The following TRANK1 variants were observed in gnomAD, a reference collection of about 807,000 sequenced individuals.
TRANK1 encodes tetratricopeptide repeat and ankyrin repeat containing 1.
Under a neutral mutation model 266.0 loss-of-function variants are expected in TRANK1, and 198 were observed. The ratio of observed to expected loss-of-function variants is 0.74; its 90% CI spans 0.66 to 0.84. The LOEUF is 0.84. Among genes scored for constraint, TRANK1 ranks in the 40% least tolerant of loss-of-function variants. TRANK1 has a pLI of 0.00. For synonymous variants in TRANK1, 1,396 were observed against 1,384.1 expected (o/e 1.01, Z -0.19); for missense variants, 3,326 against 3,634.6 (o/e 0.92, Z 2.18).
intron 1 of TRANK1, among the ~76,000 whole-genome samples, chr3:36,922,067 G>A (rs892054396): frequency 1.3e-5 from 2 of 152,104 alleles, no homozygotes; most frequent in African/African-American, 4.8e-5. Context: ...GATCACTTGA[G>A]CCCTGAAGGT....
At chr3:36,915,845 C>T (rs1017936146) in intron 1 of TRANK1, among the ~76,000 whole-genome samples, 13 of 152,168 alleles carry the variant, frequency 8.5e-5, no homozygotes, top group Admixed American at 1.3e-4. Context: ...AGCCCAGTGA[C>T]GAGGACAGTA....
rs1282709840 is a variant in TRANK1 at position 36,835,668 on chromosome 3, T to A, written c.5518-761A>T. ...TGAAATAAGCTAACTTTTAAAAAAA[T>A]AACACCTAGATCAGTACTGTCCAAT... On this transcript the variant is annotated intron_variant, in intron 20 of 23. Transcript: ENST00000645898. Among the ~76,000 whole-genome samples, 5 of 152,120 alleles carry A rather than the reference T, an allele frequency of 3.3e-5. No homozygotes were observed. The East Asian group carries it at 7.7e-4, about 23-fold the overall frequency.
intron 13 of TRANK1, among the ~76,000 whole-genome samples, chr3:36,854,316 C>T (rs987358728): frequency 1.3e-5 from 2 of 151,576 alleles, no homozygotes; most frequent in Non-Finnish European, 2.9e-5. Context: ...GCCGAGGTCA[C>T]GCCACTGCAC....
At chr3:36,890,443 T>C (rs567163767) in intron 7 of TRANK1, among the ~76,000 whole-genome samples, 36 of 152,174 alleles carry the variant, frequency 2.4e-4, no homozygotes, top group Non-Finnish European at 4.4e-4. Flanking sequence ...TGTCAGTCAA[T>C]CAAGAGCTAC....
chr3:36,910,840 C>T (rs757289244), intron 1 of TRANK1, among the ~76,000 whole-genome samples: 3 of 152,124 alleles, frequency 2.0e-5, no homozygotes, highest in African/African-American at 7.2e-5. Context: ...TCAGCTGAGG[C>T]GGGCGGATCA....
intron 8 of TRANK1, chr3:36,880,291 T>C (rs1247552253): frequency 7.8e-6 from 3 of 385,796 alleles, no homozygotes; most frequent in Non-Finnish European, 1.1e-5. Flanking sequence ...TTGGCCCCAT[T>C]TGAGTCTTTC....
Position 36,861,057 on chromosome 3 carries a change from C to G in TRANK1, c.1344G>C (p.Leu448=). The G allele has an allele frequency of 1.3e-6, 2 of 1,537,818 alleles. No homozygotes were observed. The highest frequency in any genetic ancestry group is 1.2e-5 in the South Asian group (1 of 84,054). Residue 448 remains leucine (L), a synonymous_variant, in exon 11 of 24, where the codon CTG becomes CTC. Transcript: ENST00000645898. ...GTGGTTCTCCACTTACTTTGCGGGT[C>G]AGCAGCAGAAGCACCTCAGGCCATC... is the stretch of plus-strand genomic sequence containing the variant. ...KQRWPEVLLL[L]TRKVSGEPPL...
intron 3 of TRANK1, among the ~76,000 whole-genome samples, chr3:36,900,870 A>AAAAAAAAAAAAAAAAAAAAAAAAAAAAAC (rs2079868352): frequency 6.8e-6 from 1 of 147,512 alleles, no homozygotes; most frequent in Non-Finnish European, 1.5e-5. Context: ...AAAAAAAAAA[A>AAAAAAAAAAAAAAAAAAAAAAAAAAAAAC]AAAAAAGATA....
intron 8 of TRANK1, chr3:36,880,405 T>C: frequency 3.1e-6 from 1 of 321,556 alleles, no homozygotes; most frequent in South Asian, 3.1e-5. Flanking sequence ...GCAGCATCTC[T>C]TTCCTTTGAT....
Position 36,857,914 on chromosome 3 carries a change from A to T in TRANK1, c.1808T>A (p.Met603Lys), listed in dbSNP as rs1388039951. ...TLMHILFQKGMLKRVKKLLDL... is the reference protein window; with the variant it reads ...TLMHILFQKGKLKRVKKLLDL... Reference sequence around the variant, plus strand: ...TAACAGCTTCTTCACGCGCTTTAGCATGCCCTTCTGGAAGAGGATGTGCAT... The same window carrying T: ...TAACAGCTTCTTCACGCGCTTTAGCTTGCCCTTCTGGAAGAGGATGTGCAT... Residue 603 changes from methionine (M) to lysine (K), a missense_variant, in exon 13 of 24, where the codon ATG (methionine) becomes AAG (lysine). Transcript: ENST00000645898. This position sits in a 1 kb window ranked among gnomAD's most constrained non-coding sequence, Gnocchi z 4.3. 1 of 1,608,516 alleles carries T rather than the reference A, an allele frequency of 6.2e-7. No homozygotes were observed. The highest frequency in any genetic ancestry group is 8.5e-7 in the Non-Finnish European group (1 of 1,179,888).
intron 1 of TRANK1, among the ~76,000 whole-genome samples, chr3:36,908,808 G>A (rs538403195): frequency 1.3e-5 from 2 of 152,266 alleles, no homozygotes; most frequent in East Asian, 3.9e-4. Context: ...CATCATCACA[G>A]CCCACAGGAA....
At position 36,907,334 on chromosome 3, in the gene TRANK1, G is replaced by C. The variant is rs529389505; in HGVS notation, c.155+989C>G. 9.2e-5 allele frequency among the ~76,000 whole-genome samples: 14 copies of C among 152,046 alleles called. No individual in the cohort carries two copies. In the South Asian group the frequency reaches 1.4e-3, roughly 16 times the overall value. ...CCCAGCTAATTTTGTATTTTTAGTA[G>C]AGATGGGGTTTCACCATGTTGGCCA... On this transcript the variant is annotated intron_variant, in intron 2 of 23. Coordinates refer to ENST00000645898, the MANE Select transcript of TRANK1 (RefSeq NM_001329998.2).
intron 15 of TRANK1, among the ~76,000 whole-genome samples, chr3:36,847,959 G>A (rs2078937454): frequency 6.6e-6 from 1 of 152,178 alleles, no homozygotes. Flanking sequence ...AGTGTCAAAT[G>A]TCTAGTACAA....
chr3:36,914,430 T>C (rs1361701724), intron 1 of TRANK1, among the ~76,000 whole-genome samples: 2 of 148,744 alleles, frequency 1.3e-5, no homozygotes, highest in African/African-American at 2.5e-5. Flanking sequence ...CATGAGCCAC[T>C]GCACCCAGCT....
chr3:36,895,817 G>A, intron 4 of TRANK1, 59 bp from the exon 5 acceptor site: 1 of 1,152,278 alleles, frequency 8.7e-7, no homozygotes, highest in East Asian at 2.6e-5. Flanking sequence ...CAGCATTTGG[G>A]AAAAGGTCCT....
intron 15 of TRANK1, chr3:36,850,574 G>A (rs2078972273): frequency 1.2e-6 from 1 of 866,650 alleles, no homozygotes; most frequent in African/African-American, 1.8e-5. Context: ...TTTGAGACCA[G>A]CCTGGGCAAC....
At chr3:36,935,976 C>T (rs1420753361) in intron 1 of TRANK1, among the ~76,000 whole-genome samples, 1 of 152,012 alleles carries the variant, frequency 6.6e-6, no homozygotes, top group African/African-American at 2.4e-5. Context: ...CCCATAAAGC[C>T]AGGTGGTTTT....
intron 1 of TRANK1, among the ~76,000 whole-genome samples, chr3:36,930,336 T>C (rs1441770413): frequency 6.6e-6 from 1 of 152,160 alleles, no homozygotes; most frequent in Non-Finnish European, 1.5e-5. Flanking sequence ...TACCAGGAAC[T>C]GGATCCTGCC....
intron 8 of TRANK1, among the ~76,000 whole-genome samples, chr3:36,883,405 A>G (rs1290020358): frequency 6.6e-6 from 1 of 151,334 alleles, no homozygotes; most frequent in Non-Finnish European, 1.5e-5. Context: ...AGACTGCACC[A>G]CTGCATTCCA....
Sources: allele counts gnomAD v4.1 joint callset (sites outside exome capture counted in the v4.1 genomes callset), GRCh38; gene constraint gnomAD v4.1.1; non-coding constraint Gnocchi (gnomAD v3.1); transcripts MANE v1.5; gene names NCBI Gene and HGNC (gene_info 2026-07-23, HGNC 2026-07-21).